The following HIRA variants were observed in gnomAD, a reference collection of about 807,000 sequenced individuals.
HIRA encodes protein HIRA.
A neutral mutation model predicts 126.6 loss-of-function variants in HIRA; 13 were observed. That is an observed-to-expected ratio of 0.10 (90% CI 0.07 to 0.16). The LOEUF is 0.16. Among genes scored for constraint, HIRA ranks in the 10% least tolerant of loss-of-function variants. HIRA has a pLI of 1.00. For missense variants in HIRA, 834 were observed against 1,314.4 expected (o/e 0.63, Z 5.65); for synonymous variants, 511 against 520.0 (o/e 0.98, Z 0.24).
At chr22:19,410,626 A>C in intron 2 of HIRA, 90 bp downstream of exon 2, 1 of 884,628 alleles carries the variant, frequency 1.1e-6, no homozygotes, top group East Asian at 2.4e-5. Flanking sequence ...GAAAAATAGC[A>C]AGTATTCCCT....
intron 1 of HIRA, among the ~76,000 whole-genome samples, chr22:19,420,183 C>T (rs536118999): frequency 6.6e-6 from 1 of 152,048 alleles, no homozygotes; most frequent in Non-Finnish European, 1.5e-5. Flanking sequence ...TGAGATTGGG[C>T]GCAGTGGCTC....
At chr22:19,359,305 C>T in intron 18 of HIRA, 31 bp downstream of exon 18, 2 of 1,518,548 alleles carry the variant, frequency 1.3e-6, no homozygotes, top group Non-Finnish European at 8.8e-7. Context: ...CCTGTGTCAC[C>T]TGGGCCGGCT....
intron 5 of HIRA, chr22:19,399,236 T>C (rs2089247549): frequency 1.3e-6 from 1 of 793,578 alleles, no homozygotes; most frequent in Non-Finnish European, 1.5e-6. Flanking sequence ...GAAACAAACA[T>C]AGCAGCAAGG....
chr22:19,382,771 CTTT>C (rs796469831), intron 13 of HIRA, among the ~76,000 whole-genome samples: 3 of 102,102 alleles, frequency 2.9e-5, no homozygotes, highest in Non-Finnish European at 1.7e-5. Flanking sequence ...ATTTTTCTTT[CTTT>C]TTTTTTTTTT....
At chr22:19,415,013 T>G (rs2089384590) in intron 1 of HIRA, among the ~76,000 whole-genome samples, 1 of 152,132 alleles carries the variant, frequency 6.6e-6, no homozygotes, top group Admixed American at 6.5e-5. Flanking sequence ...TAACGCAATC[T>G]CAGCTCACTG....
chr22:19,410,319 G>A (rs573060237), intron 2 of HIRA, among the ~76,000 whole-genome samples: 22 of 152,242 alleles, frequency 1.4e-4, no homozygotes, highest in African/African-American at 5.3e-4. Flanking sequence ...ATAACTACAC[G>A]ATTGCTTTAG....
At chr22:19,411,217 T>C (rs1263116788) in intron 1 of HIRA, among the ~76,000 whole-genome samples, 1 of 152,240 alleles carries the variant, frequency 6.6e-6, no homozygotes, top group East Asian at 1.9e-4. Flanking sequence ...TACTTCTGCT[T>C]CCAAACAGCC....
chr22:19,394,549 C>T (rs2089207528), intron 7 of HIRA, 40 bp from the exon 8 acceptor site: 1 of 1,592,750 alleles, frequency 6.3e-7, no homozygotes, highest in South Asian at 1.1e-5. Flanking sequence ...CTCAAGGCCA[C>T]CTTTGTGACC....
Position 19,331,274 on chromosome 22 carries a change from A to G in HIRA, c.*166T>C, listed in dbSNP as rs1331589860. On this transcript the variant is annotated 3_prime_UTR_variant, in exon 25 of 25. Coordinates refer to ENST00000263208, the MANE Select transcript of HIRA (RefSeq NM_003325.4). ...TGAGGCAATGTCAGACCCAGGACAC[A>G]GGGCACATCTGCCCAGGGAGCTGGG... The G allele has an allele frequency of 1.3e-6, 2 of 1,550,806 alleles. No individual in the cohort carries two copies. Among genetic ancestry groups the G allele is most frequent in the African/African-American group, 1.4e-5 (1 of 74,016 alleles).
intron 24 of HIRA, among the ~76,000 whole-genome samples, chr22:19,334,141 A>AT (rs1201637557): frequency 1.1e-4 from 16 of 151,066 alleles, no homozygotes; most frequent in Non-Finnish European, 2.1e-4. Flanking sequence ...CGCCTGGCTA[A>AT]TTTTTTTGTA....
chr22:19,366,922 C>T (rs141984852), intron 15 of HIRA, among the ~76,000 whole-genome samples: 10 of 152,172 alleles, frequency 6.6e-5, no homozygotes, highest in East Asian at 1.9e-4. Context: ...CCGTGACAAC[C>T]GGCTAATTTT....
chr22:19,414,923 C>A (rs2089383443), intron 1 of HIRA, among the ~76,000 whole-genome samples: 1 of 144,470 alleles, frequency 6.9e-6, no homozygotes, highest in Non-Finnish European at 1.5e-5. Context: ...AAGGTGGGTG[C>A]AAACAACACA....
intron 5 of HIRA, among the ~76,000 whole-genome samples, chr22:19,404,500 C>A (rs5993627): frequency 2.0e-5 from 3 of 152,184 alleles, no homozygotes; most frequent in Non-Finnish European, 4.4e-5. Flanking sequence ...AACAATAACA[C>A]AACACTAACC....
chr22:19,404,340 G>C (rs1165134612), intron 5 of HIRA, among the ~76,000 whole-genome samples: 3 of 152,094 alleles, frequency 2.0e-5, no homozygotes, highest in Admixed American at 2.0e-4. Flanking sequence ...GCAAGGCTCT[G>C]GTTAGGGCCT....
chr22:19,331,020 A>C lies in HIRA; in HGVS notation c.*420T>G. 1 of 576,726 alleles carries C rather than the reference A, an allele frequency of 1.7e-6. No homozygotes were observed. Among genetic ancestry groups the C allele is most frequent in the Non-Finnish European group, 2.6e-6 (1 of 387,342 alleles). 35.7% of individuals were successfully genotyped at this position (576,726 alleles called of 1,614,324 possible). On this transcript the variant is annotated 3_prime_UTR_variant, in exon 25 of 25. Coordinates refer to ENST00000263208, the MANE Select transcript of HIRA (RefSeq NM_003325.4). Reference sequence around the variant, plus strand: ...ACAGCTTTCCTTTTACATAGGTCTTAGGTCAGTCTGCTGTAATACCTAACG... The same window carrying C: ...ACAGCTTTCCTTTTACATAGGTCTTCGGTCAGTCTGCTGTAATACCTAACG...
At chr22:19,426,064 C>T (rs2089486025) in intron 1 of HIRA, among the ~76,000 whole-genome samples, 2 of 152,016 alleles carry the variant, frequency 1.3e-5, no homozygotes, top group South Asian at 4.2e-4. Context: ...TCAGAGTGGC[C>T]CAAATCTACA....
chr22:19,429,300 G>A lies in HIRA; in HGVS notation c.37+2140C>T, dbSNP rs190200227. On this transcript the variant is annotated intron_variant, in intron 1 of 24. Transcript: ENST00000263208. ...CTACAGGTGCGTACCACCACGCCCAGCTAATTTTTGTATTTTTAGTAGAGA... is the reference window on the plus strand; with the variant it reads ...CTACAGGTGCGTACCACCACGCCCAACTAATTTTTGTATTTTTAGTAGAGA... Among the ~76,000 whole-genome samples, 6 of 152,086 alleles carry A rather than the reference G, an allele frequency of 3.9e-5. No individual in the cohort carries two copies. In the East Asian group the frequency reaches 1.2e-3, roughly 29 times the overall value.
intron 15 of HIRA, among the ~76,000 whole-genome samples, chr22:19,369,520 T>C (rs530043943): frequency 1.3e-5 from 2 of 152,124 alleles, no homozygotes; most frequent in African/African-American, 2.4e-5. Context: ...AGAAAGACCA[T>C]GTGTCTCAAG....
chr22:19,331,372 G>T lies in HIRA; in HGVS notation c.*68C>A. On this transcript the variant is annotated 3_prime_UTR_variant, in exon 25 of 25. Coordinates refer to ENST00000263208, the MANE Select transcript of HIRA (RefSeq NM_003325.4). The stretch of plus-strand genomic sequence containing the variant: ...CTACAGCCTGGTCAGGTGAGAGGCG[G>T]TCCTGCATGTCATCAGCGGCGAGAG... 6.2e-7 allele frequency: 1 copy of T among 1,607,984 alleles called. No homozygotes were observed.
Sources: gnomAD v4.1 joint callset for allele counts (sites outside exome capture counted in the v4.1 genomes callset) on GRCh38, gnomAD v4.1.1 for gene constraint, MANE v1.5 for transcripts, NCBI Gene and HGNC (gene_info 2026-07-23, HGNC 2026-07-21) for gene names.